VEPH1: variants seen among roughly 807,000 people sequenced by gnomAD.
VEPH1 encodes ventricular zone-expressed PH domain-containing protein homolog 1.
In VEPH1, 80 loss-of-function variants were observed where a neutral mutation model predicts 85.2. That is an observed-to-expected ratio of 0.94 (90% confidence interval 0.78 to 1.13). The LOEUF (loss-of-function observed/expected upper bound fraction) is 1.13. Among genes scored for constraint, VEPH1 ranks in the 50% most tolerant of loss-of-function variants. VEPH1 has a pLI of 0.00. For missense variants in VEPH1, 955 were observed against 980.5 expected (o/e 0.97, Z 0.35); for synonymous variants, 297 against 348.0 (o/e 0.85, Z 1.63).
intron 9 of VEPH1, among the ~76,000 whole-genome samples, chr3:157,327,577 A>T (rs912157013): frequency 6.6e-6 from 1 of 152,198 alleles, no homozygotes; most frequent in Non-Finnish European, 1.5e-5. Flanking sequence ...TCTTGTCCTA[A>T]AGAATCAGGG....
intron 12 of VEPH1, among the ~76,000 whole-genome samples, chr3:157,269,648 T>TG (rs1446054501): frequency 6.7e-6 from 1 of 148,588 alleles, no homozygotes; most frequent in East Asian, 1.9e-4. Flanking sequence ...TGTTGTTTTT[T>TG]TTTTTTTTTT....
At chr3:157,303,210 A>G (rs890129887) in intron 11 of VEPH1, among the ~76,000 whole-genome samples, 2 of 152,124 alleles carry the variant, frequency 1.3e-5, no homozygotes, top group African/African-American at 2.4e-5. Flanking sequence ...TCTCATTGCC[A>G]GGAAAACTTG....
At chr3:157,416,607 A>T (rs1731931068) in intron 5 of VEPH1, among the ~76,000 whole-genome samples, 1 of 151,952 alleles carries the variant, frequency 6.6e-6, no homozygotes, top group South Asian at 2.1e-4. Context: ...GCCAGTCCTT[A>T]CTCTTCAGGT....
chr3:157,286,707 A>T (rs781509300), intron 11 of VEPH1, 33 bp from the exon 12 acceptor site: 2 of 1,552,952 alleles, frequency 1.3e-6, no homozygotes, highest in South Asian at 1.1e-5. Flanking sequence ...AAAGAACATA[A>T]GCTGCTCTGC....
intron 6 of VEPH1, among the ~76,000 whole-genome samples, chr3:157,383,948 G>T (rs1371397766): frequency 6.6e-6 from 1 of 151,892 alleles, no homozygotes; most frequent in Non-Finnish European, 1.5e-5. Context: ...GTGAATTCAT[G>T]ATATGCAATG....
At chr3:157,332,275 TG>T (rs2108607210) in intron 9 of VEPH1, among the ~76,000 whole-genome samples, 1 of 152,348 alleles carries the variant, frequency 6.6e-6, no homozygotes, top group South Asian at 2.1e-4. Context: ...CATTTTAAAG[TG>T]TACAGTTCAG....
intron 12 of VEPH1, among the ~76,000 whole-genome samples, chr3:157,268,635 C>CA (rs2108268978): frequency 6.6e-6 from 1 of 152,086 alleles, no homozygotes; most frequent in Admixed American, 6.6e-5. Flanking sequence ...TCTGGGAGGT[C>CA]AAAAATCAAA....
chr3:157,421,937 C>T (rs943299073), intron 5 of VEPH1, among the ~76,000 whole-genome samples: 1 of 152,140 alleles, frequency 6.6e-6, no homozygotes, highest in Non-Finnish European at 1.5e-5. Context: ...ACTCAGCACC[C>T]ACAATACCTA....
At chr3:157,297,201 A>G (rs1718242688) in intron 11 of VEPH1, among the ~76,000 whole-genome samples, 1 of 152,228 alleles carries the variant, frequency 6.6e-6, no homozygotes, top group Admixed American at 6.5e-5. Context: ...AGCTAGATAA[A>G]TGTATGTAAA....
intron 1 of VEPH1, among the ~76,000 whole-genome samples, chr3:157,498,872 G>A (rs1470552468): frequency 6.6e-6 from 1 of 152,160 alleles, no homozygotes; most frequent in Admixed American, 6.5e-5. Context: ...GTGTGCACGT[G>A]TACATATACA....
intron 2 of VEPH1, among the ~76,000 whole-genome samples, chr3:157,483,754 G>A (rs1318916996): frequency 1.3e-5 from 2 of 152,062 alleles, no homozygotes; most frequent in South Asian, 2.1e-4. Context: ...GACAGAATAC[G>A]ACGGATAGGA....
At chr3:157,341,580 A>G (rs1224580058) in intron 9 of VEPH1, among the ~76,000 whole-genome samples, 2 of 152,212 alleles carry the variant, frequency 1.3e-5, no homozygotes, top group African/African-American at 4.8e-5. Context: ...GGGAGAATGG[A>G]ACCAAGTTGG....
At chr3:157,360,841 T>C (rs1027273064) in intron 9 of VEPH1, among the ~76,000 whole-genome samples, 2 of 152,136 alleles carry the variant, frequency 1.3e-5, no homozygotes, top group African/African-American at 4.8e-5. Flanking sequence ...TCAGGGACCA[T>C]CTGTAATTTT....
chr3:157,264,220 C>T (rs1171025559), intron 13 of VEPH1, among the ~76,000 whole-genome samples: 1 of 152,230 alleles, frequency 6.6e-6, no homozygotes, highest in Non-Finnish European at 1.5e-5. Flanking sequence ...TTGGGGCCTT[C>T]AGACTCTGGG....
chr3:157,459,626 G>T, intron 4 of VEPH1: 2 of 1,264,996 alleles, frequency 1.6e-6, no homozygotes, highest in Non-Finnish European at 2.0e-6. Flanking sequence ...AGAATATTTT[G>T]CATGAACTAA....
At chr3:157,281,424 G>GTT (rs1051505557) in intron 12 of VEPH1, among the ~76,000 whole-genome samples, 4 of 152,104 alleles carry the variant, frequency 2.6e-5, no homozygotes, top group African/African-American at 9.7e-5. Flanking sequence ...AAAGCATTCC[G>GTT]TTGTTTTTGG....
chr3:157,322,209 A>G (rs1428497526), intron 9 of VEPH1, among the ~76,000 whole-genome samples: 17 of 152,190 alleles, frequency 1.1e-4, no homozygotes, highest in Admixed American at 1.1e-3. Context: ...GAATCATATA[A>G]TAGTTGTTCT....
Position 157,286,635 on chromosome 3 carries a change from A to T in VEPH1, c.2050T>A (p.Phe684Ile). The T allele has an allele frequency of 6.2e-7, 1 of 1,614,034 alleles. No homozygotes were observed. The highest frequency in any genetic ancestry group is 8.5e-7 in the Non-Finnish European group (1 of 1,179,970). Residue 684 changes from phenylalanine (F) to isoleucine (I), a missense_variant, in exon 12 of 14, where the codon TTC becomes ATC. Phe to Ile is a conservative substitution (Grantham distance 21). Transcript: ENST00000362010. Reference sequence around the variant, plus strand: ...TCACTGAAGCCAAACACGTCAAAGAACCTCACTTCTTCCAGATGGAGCTGT... The same window carrying T: ...TCACTGAAGCCAAACACGTCAAAGATCCTCACTTCTTCCAGATGGAGCTGT... Reference protein sequence around the residue: ...QVQLHLEEVRFFDVFGFSETA... With the variant: ...QVQLHLEEVRIFDVFGFSETA...
At chr3:157,431,641 A>G (rs1447001703) in intron 4 of VEPH1, among the ~76,000 whole-genome samples, 2 of 151,570 alleles carry the variant, frequency 1.3e-5, no homozygotes, top group East Asian at 1.9e-4. Context: ...TCTTTGGGGG[A>G]CCAGTATTCT....
Sources: allele counts gnomAD v4.1 joint callset (sites outside exome capture counted in the v4.1 genomes callset), GRCh38; gene constraint gnomAD v4.1.1; transcripts MANE v1.5; gene names NCBI Gene and HGNC (gene_info 2026-07-23, HGNC 2026-07-21).